The following RBFOX1 variants were observed in gnomAD, a reference collection of about 807,000 sequenced individuals.
RBFOX1 encodes the protein RNA binding fox-1 homolog 1, also known as RNA binding protein fox-1 homolog 1.
Under a neutral mutation model 57.7 loss-of-function variants are expected in RBFOX1, and 8 were observed. The ratio of observed to expected loss-of-function variants is 0.14; its 90% CI spans 0.08 to 0.25. The LOEUF (loss-of-function observed/expected upper bound fraction) is 0.25, where lower values mean the gene tolerates loss of function less well. Ranked by LOEUF, RBFOX1 falls within the 10% of genes least tolerant of loss-of-function variation. The probability of loss-of-function intolerance (pLI) is 1.00; values close to 1 mark genes in which losing one functional copy is unlikely to be tolerated. For missense variants in RBFOX1, 611 were observed against 548.5 expected (o/e 1.11, Z -1.14); for synonymous variants, 326 against 222.4 (o/e 1.47, Z -4.15).
chr16:6,895,176 C>A (rs1464463273), intron 3 of RBFOX1, among the ~76,000 whole-genome samples: 3 of 151,900 alleles, frequency 2.0e-5, no homozygotes, highest in Non-Finnish European at 4.4e-5. Flanking sequence ...TTAACAAAAT[C>A]CTCTAGTTTT....
At chr16:6,820,753 A>T (rs951056357) in intron 3 of RBFOX1, among the ~76,000 whole-genome samples, 1 of 152,176 alleles carries the variant, frequency 6.6e-6, no homozygotes, top group African/African-American at 2.4e-5. Context: ...ATAGGCCTCA[A>T]ATCGATGCTA....
At chr16:6,561,037 T>TAA (rs1362264105) in intron 2 of RBFOX1, among the ~76,000 whole-genome samples, 2 of 152,356 alleles carry the variant, frequency 1.3e-5, no homozygotes, top group East Asian at 3.9e-4. Flanking sequence ...ACCACAGGCT[T>TAA]AAGTTGAATT....
At chr16:7,489,607 C>A (rs1297000607) in intron 4 of RBFOX1, among the ~76,000 whole-genome samples, 2 of 152,022 alleles carry the variant, frequency 1.3e-5, no homozygotes, top group East Asian at 3.8e-4. Flanking sequence ...CCTCGAACTC[C>A]CGGACTCAAG....
intron 1 of RBFOX1, among the ~76,000 whole-genome samples, chr16:6,290,445 T>C (rs1001764205): frequency 3.3e-5 from 5 of 152,108 alleles, no homozygotes; most frequent in African/African-American, 9.7e-5. Context: ...CTACCTTTTT[T>C]ATGAATTTTG....
intron 3 of RBFOX1, among the ~76,000 whole-genome samples, chr16:6,677,167 C>G (rs1220737991): frequency 6.6e-6 from 1 of 152,096 alleles, no homozygotes; most frequent in Non-Finnish European, 1.5e-5. Context: ...CCAAAATATT[C>G]AATGAAAGTA....
chr16:6,681,017 G>A (rs1193856651), intron 3 of RBFOX1, among the ~76,000 whole-genome samples: 1 of 152,164 alleles, frequency 6.6e-6, no homozygotes. Context: ...AAAGTAAGTA[G>A]AAATCTGTTT....
chr16:6,397,348 C>G (rs2152945998), intron 2 of RBFOX1, among the ~76,000 whole-genome samples: 1 of 152,220 alleles, frequency 6.6e-6, no homozygotes, highest in South Asian at 2.1e-4. Flanking sequence ...TGATGGTCAG[C>G]TTCTCATCAG....
At chr16:7,218,808 C>T (rs887811843) in intron 4 of RBFOX1, among the ~76,000 whole-genome samples, 2 of 151,830 alleles carry the variant, frequency 1.3e-5, no homozygotes, top group Admixed American at 1.3e-4. Flanking sequence ...AATCAGGAAC[C>T]TGTCTAGAAG....
intron 3 of RBFOX1, among the ~76,000 whole-genome samples, chr16:6,897,586 G>T (rs997295600): frequency 5.3e-5 from 8 of 152,176 alleles, no homozygotes; most frequent in Admixed American, 1.3e-4. Flanking sequence ...TTGAGGTCAG[G>T]AGTTTGACCA....
intron 4 of RBFOX1, among the ~76,000 whole-genome samples, chr16:7,379,088 C>G (rs2097738353): frequency 6.6e-6 from 1 of 152,162 alleles, no homozygotes; most frequent in African/African-American, 2.4e-5. Flanking sequence ...GGGTATGTTT[C>G]TGGCCAGTCA....
At chr16:5,477,087 C>T (rs2069351981) in intron 2 of RBFOX1, among the ~76,000 whole-genome samples, 1 of 152,204 alleles carries the variant, frequency 6.6e-6, no homozygotes, top group African/African-American at 2.4e-5. Context: ...AATGAAGGCT[C>T]ACAGCAGCCT....
chr16:6,942,102 A>T (rs1293079093), intron 3 of RBFOX1, among the ~76,000 whole-genome samples: 1 of 152,102 alleles, frequency 6.6e-6, no homozygotes, highest in Non-Finnish European at 1.5e-5. Context: ...AGCCACGTGC[A>T]GTGGTGCACA....
chr16:6,886,478 C>A (rs552623169), intron 3 of RBFOX1, among the ~76,000 whole-genome samples: 1 of 151,944 alleles, frequency 6.6e-6, no homozygotes, highest in Non-Finnish European at 1.5e-5. Context: ...GTAGGCCCAG[C>A]GCGGTGGCTC....
chr16:6,051,593 C>G (rs775919934), intron 1 of RBFOX1, among the ~76,000 whole-genome samples: 1 of 152,042 alleles, frequency 6.6e-6, no homozygotes, highest in Admixed American at 6.6e-5. Flanking sequence ...AGTGCTGAGT[C>G]TCTGTCACCC....
chr16:7,348,984 C>G (rs961348599), intron 4 of RBFOX1, among the ~76,000 whole-genome samples: 1 of 152,176 alleles, frequency 6.6e-6, no homozygotes. Context: ...TTGATCGGCT[C>G]CAGTCAACCG....
chr16:6,258,615 T>C (rs1250401399), intron 1 of RBFOX1, among the ~76,000 whole-genome samples: 1 of 152,218 alleles, frequency 6.6e-6, no homozygotes. Context: ...CAAACTCTGT[T>C]TTCCTAATTT....
At chr16:6,478,376 C>G (rs1290221582) in intron 2 of RBFOX1, among the ~76,000 whole-genome samples, 7 of 122,812 alleles carry the variant, frequency 5.7e-5, no homozygotes, top group African/African-American at 1.3e-4. Context: ...GTACCTGCCA[C>G]TACACCCAGC....
intron 2 of RBFOX1, among the ~76,000 whole-genome samples, chr16:6,399,843 G>C (rs1272181542): frequency 1.3e-5 from 2 of 152,204 alleles, no homozygotes; most frequent in Admixed American, 6.5e-5. Context: ...AGTCATCATG[G>C]AAGACACCTC....
intron 2 of RBFOX1, among the ~76,000 whole-genome samples, chr16:6,392,065 C>T (rs1237542196): frequency 1.3e-5 from 2 of 152,106 alleles, no homozygotes; most frequent in African/African-American, 4.8e-5. Flanking sequence ...GGAGATAATC[C>T]CTCTTCAATA....
Sources: gnomAD v4.1 joint callset for allele counts (sites outside exome capture counted in the v4.1 genomes callset) on GRCh38, gnomAD v4.1.1 for gene constraint, MANE v1.5 for transcripts, NCBI Gene and HGNC (gene_info 2026-07-23, HGNC 2026-07-21) for gene names.